Variants in NCOR2 observed in about 807,000 individuals in gnomAD.
NCOR2 encodes the protein nuclear receptor corepressor 2.
NCOR2 carries 81 observed loss-of-function variants against 262.9 expected under a neutral mutation model. The ratio of observed to expected loss-of-function variants is 0.31; its 90% CI spans 0.26 to 0.37. The LOEUF (loss-of-function observed/expected upper bound fraction) is 0.37, where lower values mean the gene tolerates loss of function less well. Ranked by LOEUF, NCOR2 falls within the 10% of genes least tolerant of loss-of-function variation. NCOR2 has a pLI of 1.00. For missense variants in NCOR2, 3,385 were observed against 3,621.4 expected (o/e 0.93, Z 1.68); for synonymous variants, 1,659 against 1,559.3 (o/e 1.06, Z -1.51).
intron 1 of NCOR2, among the ~76,000 whole-genome samples, chr12:124,560,091 T>A (rs529701130): frequency 6.6e-6 from 1 of 152,328 alleles, no homozygotes; most frequent in East Asian, 1.9e-4. Flanking sequence ...CTACCTGGAA[T>A]GACCTTCAAA....
At chr12:124,433,863 C>CACACACACACACACACACAA (rs1565940236) in intron 8 of NCOR2, among the ~76,000 whole-genome samples, 2 of 60,270 alleles carry the variant, frequency 3.3e-5, no homozygotes, top group African/African-American at 8.7e-5. Flanking sequence ...CACACACACA[C>CACACACACACACACACACAA]ACACACACAC....
rs2036766751 is a variant in NCOR2, at chr12:124,344,592, C to T, written c.4714+5G>A. 1 of 1,448,480 alleles carries T rather than the reference C, an allele frequency of 6.9e-7. No homozygotes were observed. The highest frequency in any genetic ancestry group is 2.7e-5 in the Admixed American group (1 of 36,632). 89.7% of individuals were successfully genotyped at this position (1,448,480 alleles called of 1,614,324 possible). A position where few individuals can be genotyped will look rare whatever the true frequency, so the allele number is the denominator to read the frequency against. ...CCCACTCACGCCCATGCACACCCCACTCACCCTCCTGCAGGCGCGGCGTGG... is the reference window on the plus strand; with the variant it reads ...CCCACTCACGCCCATGCACACCCCATTCACCCTCCTGCAGGCGCGGCGTGG... On this transcript the variant is annotated splice_donor_5th_base_variant and intron_variant, in intron 32 of 46. Transcript: ENST00000405201.
intron 17 of NCOR2, among the ~76,000 whole-genome samples, chr12:124,380,978 A>G (rs2040370430): frequency 6.6e-6 from 1 of 152,176 alleles, no homozygotes; most frequent in Admixed American, 6.5e-5. Flanking sequence ...CCTGACGTTT[A>G]TTAAGCACCT....
At chr12:124,458,636 G>A (rs1365024243) in intron 5 of NCOR2, among the ~76,000 whole-genome samples, 1 of 152,220 alleles carries the variant, frequency 6.6e-6, no homozygotes, top group African/African-American at 2.4e-5. Context: ...GCGCATAAGC[G>A]CCATGGGAGG....
chr12:124,377,447 G>A (rs566758333), intron 18 of NCOR2, among the ~76,000 whole-genome samples: 5 of 152,340 alleles, frequency 3.3e-5, no homozygotes, highest in South Asian at 2.1e-4. Context: ...GGGAATAAAA[G>A]GAGACACTGA....
Position 124,548,850 on chromosome 12 carries a change from A to G in NCOR2, c.-164-13239T>C, listed in dbSNP as rs1481131985. ...AGTCCAAATACTAGCTGTTTCTTAAATGTCACTCTCCTCTCCCCCCAGCAC... is the reference window on the plus strand; with the variant it reads ...AGTCCAAATACTAGCTGTTTCTTAAGTGTCACTCTCCTCTCCCCCCAGCAC... On this transcript the variant is annotated intron_variant, in intron 1 of 32. Transcript: ENST00000458234. This position sits in a 1 kb window ranked among gnomAD's most constrained non-coding sequence, Gnocchi z 5.1. Among the ~76,000 whole-genome samples the G allele has an allele frequency of 6.6e-6, 1 of 151,970 alleles. No homozygotes were observed. Among genetic ancestry groups the G allele is most frequent in the Non-Finnish European group, 1.5e-5 (1 of 68,002 alleles).
chr12:124,438,038 C>T (rs747248789), intron 7 of NCOR2, 42 bp from the exon 10 acceptor site: 18 of 1,571,494 alleles, frequency 1.1e-5, no homozygotes, highest in Non-Finnish European at 1.6e-5. Context: ...CCCGGCCGGG[C>T]TCAGGCGCTG....
chr12:124,335,575 G>A, exon 39 of NCOR2: 1 of 1,609,274 alleles, frequency 6.2e-7, no homozygotes, highest in South Asian at 1.1e-5. Context: ...CAGACTGGGT[G>A]AGCTCACAGG....
chr12:124,366,816 C>A (rs562718085), intron 20 of NCOR2, among the ~76,000 whole-genome samples: 1 of 152,092 alleles, frequency 6.6e-6, no homozygotes, highest in Admixed American at 6.6e-5. Flanking sequence ...CTGTGCCTAG[C>A]CTAAATGATA....
At chr12:124,553,997 C>T (rs1347907668) in intron 1 of NCOR2, among the ~76,000 whole-genome samples, 2 of 152,212 alleles carry the variant, frequency 1.3e-5, no homozygotes, top group East Asian at 1.9e-4. Flanking sequence ...ATGGTCAGCA[C>T]CCTCCCCTGC....
intron 4 of NCOR2, among the ~76,000 whole-genome samples, chr12:124,469,894 A>C (rs1474344642): frequency 6.6e-6 from 1 of 152,208 alleles, no homozygotes; most frequent in Admixed American, 6.5e-5. Flanking sequence ...GGCTAGGGAC[A>C]GTGGCTCACA....
intron 20 of NCOR2, among the ~76,000 whole-genome samples, chr12:124,364,984 T>C (rs1021923052): frequency 2.6e-5 from 4 of 151,134 alleles, no homozygotes; most frequent in Non-Finnish European, 5.9e-5. Flanking sequence ...GGCCTGCGTC[T>C]GCGGGTATGG....
rs1391162603 is a variant in NCOR2 at position 124,439,261 on chromosome 12, AT to A, written c.816-1266del. Among the ~76,000 whole-genome samples, 287 of 103,664 alleles carry A rather than the reference AT, an allele frequency of 2.8e-3. 7 individuals are homozygous for A. The highest frequency in any genetic ancestry group is 9.1e-3 in the African/African-American group (262 of 28,648). The allele number at this position is 103,664 out of a possible 152,430, so 68.0% of individuals were successfully genotyped here. ...GAGACAGAGACCCAGAGAGAGAGAGATGGAGACCCTGAGACAGAGGGAGAGA... is the reference window on the plus strand; with the variant it reads ...GAGACAGAGACCCAGAGAGAGAGAGAGGAGACCCTGAGACAGAGGGAGAGA... On this transcript the variant is annotated intron_variant, in intron 7 of 46. Transcript: ENST00000405201.
At chr12:124,361,980 C>T (rs143942038) in intron 22 of NCOR2, 146 bp downstream of exon 24, 4 of 708,954 alleles carry the variant, frequency 5.6e-6, no homozygotes, top group African/African-American at 5.5e-5. Context: ...AACTGCCTCC[C>T]CCTGCTCAAC....
chr12:124,380,388 C>T lies in NCOR2; in HGVS notation c.2020-2004G>A, dbSNP rs561099031. Among the ~76,000 whole-genome samples, 10 of 152,354 alleles carry T rather than the reference C, an allele frequency of 6.6e-5. No homozygotes were observed. In the South Asian group the frequency reaches 2.1e-3, roughly 32 times the overall value. ...GAAACGACTGCTCGTCCGTTAGTCACAGTTTCCGACACCAACAGTCGGCCA... is the reference window on the plus strand; with the variant it reads ...GAAACGACTGCTCGTCCGTTAGTCATAGTTTCCGACACCAACAGTCGGCCA... On this transcript the variant is annotated intron_variant, in intron 17 of 46. Coordinates refer to ENST00000405201, the Ensembl canonical transcript of NCOR2.
chr12:124,457,049 C>A lies in NCOR2; in HGVS notation c.762+57G>T. Reference sequence around the variant, plus strand: ...CGCCGCACCCTCCCGCCTCCCTGCCCACCTCTCCAGCCACCCCCGCCCTCC... The same window carrying A: ...CGCCGCACCCTCCCGCCTCCCTGCCAACCTCTCCAGCCACCCCCGCCCTCC... On this transcript the variant is annotated intron_variant, in intron 6 of 46. Coordinates refer to ENST00000405201, the Ensembl canonical transcript of NCOR2. The surrounding 1 kb of genome is among the most constrained non-coding windows in gnomAD (Gnocchi z 4.0). 1 of 1,080,420 alleles carries A rather than the reference C, an allele frequency of 9.3e-7. No homozygotes were observed. Among genetic ancestry groups the A allele is most frequent in the Non-Finnish European group, 1.3e-6 (1 of 764,436 alleles). 66.9% of individuals were successfully genotyped at this position (1,080,420 alleles called of 1,614,324 possible). A position where few individuals can be genotyped will look rare whatever the true frequency, so the allele number is the denominator to read the frequency against.
At chr12:124,371,637 C>T (rs1245566192) in intron 20 of NCOR2, among the ~76,000 whole-genome samples, 2 of 152,192 alleles carry the variant, frequency 1.3e-5, no homozygotes, top group African/African-American at 2.4e-5. Context: ...GGCTGCGTCT[C>T]GGCCTGCATG....
chr12:124,446,484 C>A (rs1335842000), intron 7 of NCOR2, among the ~76,000 whole-genome samples: 2 of 152,134 alleles, frequency 1.3e-5, no homozygotes, highest in African/African-American at 4.8e-5. Context: ...CCTCCTTGGG[C>A]CATGCCAGCC....
At chr12:124,434,976 C>T (rs954347332) in intron 8 of NCOR2, among the ~76,000 whole-genome samples, 36 of 152,298 alleles carry the variant, frequency 2.4e-4, no homozygotes, top group African/African-American at 8.7e-4. Context: ...AGAATAAATT[C>T]GGTGTCCCAC....
Sources: allele counts gnomAD v4.1 joint callset (sites outside exome capture counted in the v4.1 genomes callset), GRCh38; gene constraint gnomAD v4.1.1; non-coding constraint Gnocchi (gnomAD v3.1); transcripts MANE v1.5; gene names NCBI Gene and HGNC (gene_info 2026-07-23, HGNC 2026-07-21).